The following KLF11 variants were observed in gnomAD, a reference collection of about 807,000 sequenced individuals.
The protein encoded by KLF11 is KLF transcription factor 11, also known as Krueppel-like factor 11.
A neutral mutation model predicts 29.9 loss-of-function variants in KLF11; 26 were observed. The ratio of observed to expected loss-of-function variants is 0.87; its 90% confidence interval spans 0.64 to 1.21. The LOEUF (loss-of-function observed/expected upper bound fraction) is 1.21, where lower values mean the gene tolerates loss of function less well. Among genes scored for constraint, KLF11 ranks in the 50% most tolerant of loss-of-function variants. KLF11 has a pLI of 0.00. For synonymous variants in KLF11, 318 were observed against 257.4 expected (o/e 1.24, Z -2.25); for missense variants, 778 against 665.7 (o/e 1.17, Z -1.86).
intron 1 of KLF11, chr2:10,044,051 C>A (rs1661093266): frequency 2.9e-6 from 2 of 695,000 alleles, no homozygotes; most frequent in Non-Finnish European, 3.6e-6. Flanking sequence ...GCCATGACGT[C>A]ACCCCGGTCC....
At position 10,048,183 on chromosome 2, in the gene KLF11, T is replaced by C; in HGVS notation, c.846T>C (p.Ala282=). 1 of 1,614,184 alleles carries C rather than the reference T, an allele frequency of 6.2e-7. No individual in the cohort carries two copies. The highest frequency in any genetic ancestry group is 8.5e-7 in the Non-Finnish European group (1 of 1,180,016). ...TTPLISVSVP[A]PPVLCQMIPV... ...CTCTGATTTCTGTCTCTGTCCCTGC[T>C]CCCCCTGTCCTTTGCCAGATGATCC... The change falls in exon 3 of 4, where the codon GCT becomes GCC. Residue 282 remains alanine (A), a synonymous_variant. Transcript: ENST00000305883.
chr2:10,043,941 C>T (rs954523547), intron 1 of KLF11, 183 bp downstream of exon 1: 3 of 995,764 alleles, frequency 3.0e-6, no homozygotes, highest in South Asian at 4.7e-5. Context: ...GCGACGGGCG[C>T]GCCCGGGTCG....
chr2:10,047,216 G>A (rs1416173414), intron 2 of KLF11, among the ~76,000 whole-genome samples: 2 of 152,178 alleles, frequency 1.3e-5, no homozygotes, highest in Non-Finnish European at 2.9e-5. Flanking sequence ...TGCTACATCT[G>A]TGAAAGTACT....
At chr2:10,051,293 C>T (rs370894828) in intron 3 of KLF11, among the ~76,000 whole-genome samples, 4 of 152,020 alleles carry the variant, frequency 2.6e-5, no homozygotes, top group African/African-American at 9.7e-5. Flanking sequence ...ATTGCACCCT[C>T]CGCCTCCCAG....
chr2:10,046,048 C>T, intron 1 of KLF11, 102 bp from the exon 2 acceptor site: 2 of 1,321,814 alleles, frequency 1.5e-6, no homozygotes, highest in South Asian at 1.2e-5. Flanking sequence ...ATGTGCATTA[C>T]ATGCCTACTG....
intron 1 of KLF11, chr2:10,044,061 C>T (rs1440641433): frequency 2.8e-6 from 2 of 704,166 alleles, no homozygotes; most frequent in Non-Finnish European, 3.5e-6. Context: ...CACCCCGGTC[C>T]TGTGAGCCGG....
chr2:10,045,625 C>T (rs925646043), intron 1 of KLF11, among the ~76,000 whole-genome samples: 5 of 152,240 alleles, frequency 3.3e-5, no homozygotes, highest in African/African-American at 1.2e-4. Context: ...CTGGTGGAAT[C>T]GCCATGGGCC....
At chr2:10,051,790 T>G (rs1303514653) in intron 3 of KLF11, among the ~76,000 whole-genome samples, 1 of 152,242 alleles carries the variant, frequency 6.6e-6, no homozygotes, top group Non-Finnish European at 1.5e-5. Flanking sequence ...GTGCTTGGAT[T>G]ACAGGCGTGA....
intron 1 of KLF11, 56 bp downstream of exon 1, chr2:10,043,814 G>C (rs923056721): frequency 4.2e-5 from 56 of 1,328,098 alleles, no homozygotes; most frequent in Middle Eastern, 5.4e-4. Context: ...GGCGAGGCGG[G>C]GGAAGTGGTG....
Position 10,052,300 on chromosome 2 carries a change from C to A in KLF11, c.1332C>A (p.His444Gln). The A allele has an allele frequency of 6.2e-7, 1 of 1,614,084 alleles. No individual in the cohort carries two copies. Among genetic ancestry groups the A allele is most frequent in the East Asian group, 2.2e-5 (1 of 44,894 alleles). Reference protein sequence around the residue: ...KFARSDELSRHRRTHTGEKKF... With the variant: ...KFARSDELSRQRRTHTGEKKF... The stretch of plus-strand genomic sequence containing the variant: ...CTCGTTCGGATGAGCTGTCACGCCA[C>A]CGCAGAACTCACACAGGGGAGAAGA... The change falls in exon 4 of 4, where the codon CAC becomes CAA. Residue 444 changes from histidine (H) to glutamine (Q), a missense_variant. Transcript: ENST00000305883.
In KLF11 at chr2:10,048,255, T is replaced by A; in HGVS notation, c.918T>A (p.Pro306=). ...TGTTACCAGCTTTTTTGAAGCCCCC[T>A]CCCCAGTTGTCTGTGGGGACTGTGA... is the stretch of plus-strand genomic sequence containing the variant. ...SSMLPAFLKP[P]PQLSVGTVRP... is the part of the protein sequence containing the mutation. The change falls in exon 3 of 4, where the codon CCT becomes CCA. Residue 306 remains proline, a synonymous_variant. Transcript: ENST00000305883. 6.2e-7 allele frequency: 1 copy of A among 1,610,564 alleles called. No individual in the cohort carries two copies. Among genetic ancestry groups the A allele is most frequent in the Non-Finnish European group, 8.5e-7 (1 of 1,177,670 alleles).
intron 2 of KLF11, among the ~76,000 whole-genome samples, chr2:10,046,828 C>T (rs1661221166): frequency 2.0e-5 from 3 of 152,122 alleles, no homozygotes; most frequent in Admixed American, 1.3e-4. Flanking sequence ...GCACTCCAGC[C>T]TGGGCAACAG....
At chr2:10,045,207 C>T (rs1008434190) in intron 1 of KLF11, among the ~76,000 whole-genome samples, 3 of 151,936 alleles carry the variant, frequency 2.0e-5, no homozygotes, top group Non-Finnish European at 2.9e-5. Context: ...GGGTGGATCG[C>T]CTGAGGTCAG....
In KLF11 at chr2:10,047,675, A is replaced by T. The variant is rs1661252838; in HGVS notation, c.338A>T (p.Asp113Val). ...TLCITPPQSP[D>V]LVEPSTRTPV... The stretch of plus-strand genomic sequence containing the variant: ...TGCATAACTCCTCCTCAGAGCCCTG[A>T]TCTCGTGGAGCCATCGACAAGGACA... The change falls in exon 3 of 4, where the codon GAT (aspartate) becomes GTT (valine). Residue 113 changes from aspartate (D) to valine (V), a missense_variant. By Grantham distance (152) the Asp-to-Val change is radical. Transcript: ENST00000305883. The T allele has an allele frequency of 2.5e-6, 4 of 1,613,204 alleles. No homozygotes were observed. Among genetic ancestry groups the T allele is most frequent in the Admixed American group, 3.3e-5 (2 of 60,004 alleles).
intron 3 of KLF11, among the ~76,000 whole-genome samples, chr2:10,050,890 A>C (rs1271196562): frequency 5.4e-4 from 21 of 39,226 alleles, no homozygotes; most frequent in East Asian, 8.9e-4. Context: ...AATAGATGCT[A>C]CCTTTTTTTT....
chr2:10,052,440 A>G lies in KLF11; in HGVS notation c.1472A>G (p.Lys491Arg). ...KIPGWQAEVG[K>R]LNRIASAESP... The stretch of plus-strand genomic sequence containing the variant: ...CCAGGCTGGCAGGCAGAGGTTGGCA[A>G]GCTGAACAGAATCGCCTCTGCAGAG... The change falls in exon 4 of 4, where the codon AAG becomes AGG. Residue 491 changes from lysine to arginine, a missense_variant. Lys to Arg is a conservative substitution (Grantham distance 26, BLOSUM62 2). Coordinates refer to ENST00000305883, the MANE Select transcript of KLF11 (RefSeq NM_003597.5). The G allele has an allele frequency of 1.2e-6, 2 of 1,614,192 alleles. No individual in the cohort carries two copies. Among genetic ancestry groups the G allele is most frequent in the South Asian group, 2.2e-5 (2 of 91,086 alleles).
intron 1 of KLF11, 41 bp from the exon 2 acceptor site, chr2:10,046,109 T>A (rs1661189543): frequency 3.7e-6 from 6 of 1,612,362 alleles, no homozygotes; most frequent in Non-Finnish European, 5.1e-6. Context: ...GCCTCTGTAT[T>A]TCCCCTGCAC....
At chr2:10,050,438 A>G (rs1661368182) in intron 3 of KLF11, among the ~76,000 whole-genome samples, 1 of 148,696 alleles carries the variant, frequency 6.7e-6, no homozygotes, top group South Asian at 2.1e-4. Context: ...TTGGCCAGGC[A>G]CTGTGGCTCA....
intron 1 of KLF11, 135 bp from the exon 2 acceptor site, chr2:10,046,015 T>G: frequency 1.0e-6 from 1 of 983,976 alleles, no homozygotes; most frequent in Non-Finnish European, 1.6e-6. Context: ...TACACCTCGG[T>G]GTTTGTTGCT....
Sources: allele counts gnomAD v4.1 joint callset (sites outside exome capture counted in the v4.1 genomes callset), GRCh38; gene constraint gnomAD v4.1.1; transcripts MANE v1.5; gene names NCBI Gene and HGNC (gene_info 2026-07-23, HGNC 2026-07-21).